The following TPCN2 variants were observed in gnomAD, a reference collection of about 807,000 sequenced individuals.
TPCN2 encodes two pore segment channel 2.
TPCN2 carries 92 observed loss-of-function variants against 111.4 expected under a neutral mutation model. That is an observed-to-expected ratio of 0.83 (90% confidence interval 0.70 to 0.98). The LOEUF (loss-of-function observed/expected upper bound fraction) is 0.98, where lower values mean the gene tolerates loss of function less well. Among genes scored for constraint, TPCN2 ranks in the 50% least tolerant of loss-of-function variants. TPCN2 has a pLI of 0.00. For missense variants in TPCN2, 995 were observed against 980.1 expected (o/e 1.02, Z -0.20); for synonymous variants, 405 against 414.5 (o/e 0.98, Z 0.28).
Position 69,078,794 on chromosome 11 carries a change from G to T in TPCN2, c.1410+1G>T. The T allele has an allele frequency of 6.2e-7, 1 of 1,614,120 alleles. No individual in the cohort carries two copies. The highest frequency in any genetic ancestry group is 8.5e-7 in the Non-Finnish European group (1 of 1,180,042). ...TGAGCGTGATGACTTCATCCTGGGG[G>T]TAAGTTCTGAGCTGTCCACCTGTCA... On this transcript the variant is annotated splice_donor_variant, in intron 15 of 24. Transcript: ENST00000294309. LOFTEE classifies it high-confidence loss of function.
rs1260906052 is a variant in TPCN2 at position 69,071,943 on chromosome 11, G to GT, written c.984dup (p.Arg329SerfsTer11). On this transcript the variant is annotated frameshift_variant, in exon 11 of 25. Coordinates refer to ENST00000294309, the MANE Select transcript of TPCN2 (RefSeq NM_139075.4). LOFTEE classifies it high-confidence loss of function. ...TGCAGAAATCTCTCCAGACCTCGCT[G>GT]TTTCGGAGGCGGCTGGGAACCCGGG... 1 of 1,613,922 alleles carries GT rather than the reference G, an allele frequency of 6.2e-7. No individual in the cohort carries two copies. Among genetic ancestry groups the GT allele is most frequent in the African/African-American group, 1.3e-5 (1 of 74,946 alleles).
chr11:69,063,852 T>C, intron 6 of TPCN2, 43 bp from the exon 7 acceptor site: 1 of 1,603,264 alleles, frequency 6.2e-7, no homozygotes, highest in Non-Finnish European at 8.5e-7. Flanking sequence ...TGTCCCTGCC[T>C]GCCCGCCGCC....
intron 6 of TPCN2, 74 bp from the exon 7 acceptor site, chr11:69,063,821 G>A (rs546445084): frequency 2.5e-5 from 36 of 1,461,722 alleles, no homozygotes; most frequent in South Asian, 2.2e-4. Context: ...TCCTGTCACC[G>A]AGCCCTGCAG....
intron 5 of TPCN2, among the ~76,000 whole-genome samples, chr11:69,061,466 T>A (rs867975733): frequency 6.6e-6 from 1 of 152,114 alleles, no homozygotes; most frequent in Admixed American, 6.5e-5. Flanking sequence ...AGAGCGTGGA[T>A]TTGAGATTGA....
intron 9 of TPCN2, 95 bp downstream of exon 9, chr11:69,070,590 T>C: frequency 1.1e-6 from 1 of 944,092 alleles, no homozygotes; most frequent in Non-Finnish European, 1.6e-6. Context: ...AAACTTCACA[T>C]CCGTGTTTTT....
rs1278524273 is a variant in TPCN2 at position 69,081,515 on chromosome 11, A to C, written c.1689+16A>C. 4 of 1,516,564 alleles carry C rather than the reference A, an allele frequency of 2.6e-6. No homozygotes were observed. Among genetic ancestry groups the C allele is most frequent in the Non-Finnish European group, 2.7e-6 (3 of 1,123,844 alleles). 93.9% of individuals were successfully genotyped at this position (1,516,564 alleles called of 1,614,324 possible). A position where few individuals can be genotyped will look rare whatever the true frequency, so the allele number is the denominator to read the frequency against. ...CAGCATGAAGGTGTGTGCCGGCCCC[A>C]CCCCCACTCGCCCCACCCTCCTGGG... On this transcript the variant is annotated intron_variant, in intron 18 of 24. Transcript: ENST00000294309.
intron 1 of TPCN2, 46 bp from the exon 2 acceptor site, chr11:69,053,987 C>T (rs1854631504): frequency 6.5e-7 from 1 of 1,531,728 alleles, no homozygotes. Context: ...GAGGGTGAGG[C>T]CATGTCATCC....
intron 5 of TPCN2, 98 bp from the exon 6 acceptor site, chr11:69,062,786 G>A (rs1316616793): frequency 8.7e-7 from 1 of 1,150,918 alleles, no homozygotes; most frequent in Non-Finnish European, 1.3e-6. Flanking sequence ...TGGCCCCCAG[G>A]GCACTGGGGT....
At chr11:69,059,658 A>T (rs1854932135) in intron 5 of TPCN2, among the ~76,000 whole-genome samples, 2 of 152,208 alleles carry the variant, frequency 1.3e-5, no homozygotes, top group African/African-American at 4.8e-5. Context: ...CTTTCACCTG[A>T]AGCAGCATTT....
chr11:69,054,302 A>G (rs1456665006), intron 2 of TPCN2: 5 of 594,512 alleles, frequency 8.4e-6, no homozygotes, highest in Non-Finnish European at 1.5e-5. Context: ...TGCTGCTTTG[A>G]TGCACCGTGT....
intron 13 of TPCN2, among the ~76,000 whole-genome samples, chr11:69,073,398 C>T (rs910538747): frequency 2.0e-5 from 3 of 152,220 alleles, no homozygotes; most frequent in African/African-American, 7.2e-5. Context: ...GCTCTGTGTC[C>T]AGAAGGCCTG....
At chr11:69,064,106 C>T in intron 7 of TPCN2, 139 bp downstream of exon 7, 1 of 814,960 alleles carries the variant, frequency 1.2e-6, no homozygotes, top group South Asian at 1.5e-5. Flanking sequence ...CATCTGGGGT[C>T]CAGGAGTCTG....
chr11:69,049,100 G>C lies in TPCN2; in HGVS notation c.103G>C (p.Gly35Arg). ...GACCACTTACCGCAGCATCCAAGTC[G>C]GCCCTGGTGAGCCGCCCGGACCTGG... ...GLTTYRSIQVGPGAAARWDLC... is the reference protein window; with the variant it reads ...GLTTYRSIQVRPGAAARWDLC... Residue 35 changes from glycine to arginine, a missense_variant, in exon 1 of 25, where the codon GGC becomes CGC. Physicochemically the swap from Gly to Arg is moderately radical, Grantham distance 125. Coordinates refer to ENST00000294309, the MANE Select transcript of TPCN2 (RefSeq NM_139075.4). 1.6e-6 allele frequency: 2 copies of C among 1,241,544 alleles called. No homozygotes were observed. The highest frequency in any genetic ancestry group is 1.0e-6 in the Non-Finnish European group (1 of 987,538). The allele number at this position is 1,241,544 out of a possible 1,614,324, so 76.9% of individuals were successfully genotyped here. A position where few individuals can be genotyped will look rare whatever the true frequency, so the allele number is the denominator to read the frequency against.
chr11:69,064,788 CCT>C (rs1485260487), intron 7 of TPCN2, among the ~76,000 whole-genome samples: 10 of 152,176 alleles, frequency 6.6e-5, no homozygotes, highest in African/African-American at 1.4e-4. Flanking sequence ...TCATTGAGCC[CCT>C]GTGTGGCTCT....
At position 69,079,018 on chromosome 11, in the gene TPCN2, C is replaced by T. The variant is rs780164569; in HGVS notation, c.1537C>T (p.Leu513=). The T allele has an allele frequency of 6.2e-7, 1 of 1,609,078 alleles. No homozygotes were observed. The highest frequency in any genetic ancestry group is 8.5e-7 in the Non-Finnish European group (1 of 1,177,360). ...VFDGLLTVVL[L]VLEISTLAVY... The stretch of plus-strand genomic sequence containing the variant: ...TGACGGGCTCCTCACCGTTGTCCTG[C>T]TGGTAAAGTAGGCGCATCCGAGGCC... The change falls in exon 16 of 25, where the codon CTG becomes TTG. Residue 513 remains leucine (L), a splice_region_variant and synonymous_variant. Coordinates refer to ENST00000294309, the MANE Select transcript of TPCN2 (RefSeq NM_139075.4).
At chr11:69,055,108 C>G in intron 3 of TPCN2, 67 bp from the exon 4 acceptor site, 2 of 1,552,224 alleles carry the variant, frequency 1.3e-6, no homozygotes, top group South Asian at 2.4e-5. Flanking sequence ...TGGGGAAGCT[C>G]CTGACCAGCC....
rs1268481083 is a variant in TPCN2, at chr11:69,057,641, C to G, written c.493C>G (p.Leu165Val). ...NLWLLGYLVV[L>V]VVSLVDWTVS... Reference sequence around the variant, plus strand: ...TTGGCTGCTGGGCTACCTCGTGGTGCTGGTGGTGTCTCTGGTGGACTGGAC... The same window carrying G: ...TTGGCTGCTGGGCTACCTCGTGGTGGTGGTGGTGTCTCTGGTGGACTGGAC... The change falls in exon 5 of 25, where the codon CTG becomes GTG. Residue 165 changes from leucine (L) to valine (V), a missense_variant. By Grantham distance (32) the Leu-to-Val change is conservative. Coordinates refer to ENST00000294309, the MANE Select transcript of TPCN2 (RefSeq NM_139075.4). The G allele has an allele frequency of 4.3e-6, 7 of 1,614,200 alleles. No homozygotes were observed. The highest frequency in any genetic ancestry group is 5.9e-6 in the Non-Finnish European group (7 of 1,180,018).
rs35337391 is a variant in TPCN2, at chr11:69,086,544, A to G, written c.2025A>G (p.Val675=). 263,008 of 1,613,222 alleles carry G rather than the reference A, an allele frequency of 0.16. 24,150 individuals are homozygous for G. Among genetic ancestry groups the G allele is most frequent in the South Asian group, 0.21 (19,428 of 91,040 alleles). Reference sequence around the variant, plus strand: ...GCAGGTGGTCCAAGATCTATTTTGTATTGTGGTGGCTGGTGTCGTCTGTCA... The same window carrying G: ...GCAGGTGGTCCAAGATCTATTTTGTGTTGTGGTGGCTGGTGTCGTCTGTCA... ...YSGPWSKIYF[V]LWWLVSSVIW... Residue 675 remains valine (V), a synonymous_variant, in exon 23 of 25, where the codon GTA becomes GTG. Coordinates refer to ENST00000294309, the MANE Select transcript of TPCN2 (RefSeq NM_139075.4).
At chr11:69,072,190 G>A (rs541671249) in intron 11 of TPCN2, among the ~76,000 whole-genome samples, 167 bp downstream of exon 11, 1 of 152,162 alleles carries the variant, frequency 6.6e-6, no homozygotes, top group Non-Finnish European at 1.5e-5. Context: ...TGTGGTTCCC[G>A]GCGTCCTTGT....
Sources: allele counts gnomAD v4.1 joint callset (sites outside exome capture counted in the v4.1 genomes callset), GRCh38; gene constraint gnomAD v4.1.1; transcripts MANE v1.5; gene names NCBI Gene and HGNC (gene_info 2026-07-23, HGNC 2026-07-21).